The following AGAP1 variants were observed in gnomAD, a reference collection of about 807,000 sequenced individuals.
The protein encoded by AGAP1 is arf-GAP with GTPase, ANK repeat and PH domain-containing protein 1.
AGAP1 carries 29 observed loss-of-function variants against 105.3 expected under a neutral mutation model. That is an observed-to-expected ratio of 0.28 (90% CI 0.21 to 0.38). The LOEUF (loss-of-function observed/expected upper bound fraction) is 0.38, where lower values mean the gene tolerates loss of function less well. Ranked by LOEUF, AGAP1 falls within the 10% of genes least tolerant of loss-of-function variation. The pLI is 1.00. For synonymous variants in AGAP1, 509 were observed against 485.9 expected, an observed-to-expected ratio of 1.05 and a Z score of -0.63; for missense variants, 998 against 1,165.1, an observed-to-expected ratio of 0.86 and a Z score of 2.09.
intron 3 of AGAP1, among the ~76,000 whole-genome samples, chr2:235,731,828 G>C (rs4663615): frequency 0.99 from 150,972 of 152,250 alleles, 74,851 homozygotes; most frequent in East Asian, 1. Context: ...CATAATAAAC[G>C]TCAAAAAACG....
Position 235,631,898 on chromosome 2 carries a change from A to T in AGAP1, c.164-77281A>T, listed in dbSNP as rs540979288. Among the ~76,000 whole-genome samples the T allele has an allele frequency of 1.2e-4, 18 of 152,042 alleles. No individual in the cohort carries two copies. Among genetic ancestry groups the T allele is most frequent in the African/African-American group, 4.3e-4 (18 of 41,468 alleles). On this transcript the variant is annotated intron_variant, in intron 1 of 17. Transcript: ENST00000304032. This position sits in a 1 kb window ranked among gnomAD's most constrained non-coding sequence, Gnocchi z 5.4. ...GCAGCTTCTGGAAGGCCTGCCTTTG[A>T]CCCTTCCTTTCTGCTTTTTCCATCT...
Position 235,959,812 on chromosome 2 carries a change from A to G in AGAP1, c.1484-8650A>G, listed in dbSNP as rs1343444763. 1.3e-5 allele frequency among the ~76,000 whole-genome samples: 2 copies of G among 151,662 alleles called. No individual in the cohort carries two copies. The highest frequency in any genetic ancestry group is 6.6e-5 in the Admixed American group (1 of 15,246). On this transcript the variant is annotated intron_variant, in intron 12 of 17. Transcript: ENST00000304032. The surrounding 1 kb of genome is among the most constrained non-coding windows in gnomAD (Gnocchi z 7.3). ...CTGTCAAAGCTGTGCCACTTTCCCC[A>G]CTGGCTGCCTGTCCGCTCCTGCCAA...
rs562516179 is a variant in AGAP1, at chr2:235,563,758, A to G, written c.163+68909A>G. On this transcript the variant is annotated intron_variant, in intron 1 of 17. Transcript: ENST00000304032. Reference sequence around the variant, plus strand: ...CTGCATGGAGAGAGAGAAGGAAGCTAGCGTTTCTTGAGGGTCTGGTATATG... The same window carrying G: ...CTGCATGGAGAGAGAGAAGGAAGCTGGCGTTTCTTGAGGGTCTGGTATATG... 2.6e-5 allele frequency among the ~76,000 whole-genome samples: 4 copies of G among 152,270 alleles called. No individual in the cohort carries two copies. In the South Asian group the frequency reaches 8.3e-4, roughly 32 times the overall value.
At chr2:235,995,364 A>G (rs1052985359) in intron 13 of AGAP1, among the ~76,000 whole-genome samples, 48 of 151,536 alleles carry the variant, frequency 3.2e-4, no homozygotes, top group Admixed American at 1.6e-3. Flanking sequence ...AAATACAAAA[A>G]TTAGCTAAGC....
intron 12 of AGAP1, among the ~76,000 whole-genome samples, chr2:235,941,941 A>G (rs2053278984): frequency 6.6e-6 from 1 of 152,156 alleles, no homozygotes; most frequent in Admixed American, 6.5e-5. Flanking sequence ...AAAGCATTCT[A>G]AAAAGGTTTG....
intron 1 of AGAP1, among the ~76,000 whole-genome samples, chr2:235,572,711 C>G (rs1196269455): frequency 6.6e-6 from 1 of 152,222 alleles, no homozygotes; most frequent in Non-Finnish European, 1.5e-5. Context: ...TTTGGAATGC[C>G]ACAGCAGCTG....
Position 235,807,231 on chromosome 2 carries a change from C to T in AGAP1, c.958-8C>T. On this transcript the variant is annotated splice_polypyrimidine_tract_variant and splice_region_variant and intron_variant, in intron 8 of 17. Coordinates refer to ENST00000304032, the MANE Select transcript of AGAP1 (RefSeq NM_001037131.3). ...TACCCAGATGCCAACTTTCCTTTTG[C>T]TTTGCAGTCTCGGAAAGGGAGCGAC... 1 of 1,610,034 alleles carries T rather than the reference C, an allele frequency of 6.2e-7. No individual in the cohort carries two copies. Among genetic ancestry groups the T allele is most frequent in the South Asian group, 1.1e-5 (1 of 90,622 alleles).
At chr2:236,065,715 G>C (rs1033013746) in intron 16 of AGAP1, among the ~76,000 whole-genome samples, 9 of 152,192 alleles carry the variant, frequency 5.9e-5, no homozygotes, top group Non-Finnish European at 1.3e-4. Flanking sequence ...TTTAAAAATG[G>C]GGCTCTTCTG....
intron 1 of AGAP1, chr2:235,670,879 G>A (rs761130945): frequency 7.4e-7 from 1 of 1,358,980 alleles, no homozygotes; most frequent in Non-Finnish European, 9.4e-7. Context: ...GCGCGGCCTC[G>A]GAGCACCGGC....
At chr2:235,564,815 C>T (rs1009176310) in intron 1 of AGAP1, among the ~76,000 whole-genome samples, 16 of 149,224 alleles carry the variant, frequency 1.1e-4, no homozygotes, top group Admixed American at 6.0e-4. Flanking sequence ...CACCCACGGC[C>T]AGGTGTGAGC....
chr2:235,901,926 A>G lies in AGAP1; in HGVS notation c.1156-6812A>G, dbSNP rs1366654682. On this transcript the variant is annotated intron_variant, in intron 10 of 17. Coordinates refer to ENST00000304032, the MANE Select transcript of AGAP1 (RefSeq NM_001037131.3). The surrounding 1 kb of genome is among the most constrained non-coding windows in gnomAD (Gnocchi z 4.3). ...GAGGGACCCCAAAGAGCTTTTGTTCATATGGATTTTGTCTATTGATATTCA... is the reference window on the plus strand; with the variant it reads ...GAGGGACCCCAAAGAGCTTTTGTTCGTATGGATTTTGTCTATTGATATTCA... Among the ~76,000 whole-genome samples the G allele has an allele frequency of 4.6e-5, 7 of 152,118 alleles. No homozygotes were observed. Among genetic ancestry groups the G allele is most frequent in the Non-Finnish European group, 1.0e-4 (7 of 68,034 alleles).
rs574945869 is a variant in AGAP1, at chr2:235,552,889, A to G, written c.163+58040A>G. ...CATTGGAGGCCTTGTTGTGGGCTCAAGGAGTGCAGAGAGGCAGCGCCTGCC... is the reference window on the plus strand; with the variant it reads ...CATTGGAGGCCTTGTTGTGGGCTCAGGGAGTGCAGAGAGGCAGCGCCTGCC... On this transcript the variant is annotated intron_variant, in intron 1 of 17. Transcript: ENST00000304032. This position sits in a 1 kb window ranked among gnomAD's most constrained non-coding sequence, Gnocchi z 5.9. Among the ~76,000 whole-genome samples the G allele has an allele frequency of 2.1e-3, 315 of 152,316 alleles. No homozygotes were observed. Among genetic ancestry groups the G allele is most frequent in the African/African-American group, 7.3e-3 (305 of 41,564 alleles).
intron 10 of AGAP1, among the ~76,000 whole-genome samples, chr2:235,892,556 T>C (rs1399499628): frequency 6.7e-6 from 1 of 149,638 alleles, no homozygotes; most frequent in Non-Finnish European, 1.5e-5. Context: ...CCTAAGTAGG[T>C]ATTTTCCTCA....
chr2:235,851,025 G>C (rs2048420546), intron 9 of AGAP1, among the ~76,000 whole-genome samples: 2 of 152,334 alleles, frequency 1.3e-5, no homozygotes, highest in African/African-American at 4.8e-5. Context: ...GGGCTCCCAG[G>C]CAGGCTGTTC....
chr2:235,512,552 C>T (rs1164134959), intron 1 of AGAP1, among the ~76,000 whole-genome samples: 1 of 152,176 alleles, frequency 6.6e-6, no homozygotes, highest in Non-Finnish European at 1.5e-5. Flanking sequence ...CATGATTGCA[C>T]CACTACCCTC....
intron 1 of AGAP1, among the ~76,000 whole-genome samples, chr2:235,674,554 C>T (rs1327148767): frequency 6.6e-6 from 1 of 152,172 alleles, no homozygotes; most frequent in Admixed American, 6.5e-5. Context: ...TAAAGTGATT[C>T]ATTGATACCT....
intron 13 of AGAP1, among the ~76,000 whole-genome samples, chr2:235,980,724 G>C (rs762929552): frequency 1.3e-5 from 2 of 152,154 alleles, no homozygotes; most frequent in Non-Finnish European, 2.9e-5. Flanking sequence ...TCCTACTGTT[G>C]AGTGGTCGCT....
chr2:235,851,022 C>T (rs2048420339), intron 9 of AGAP1, among the ~76,000 whole-genome samples: 1 of 152,240 alleles, frequency 6.6e-6, no homozygotes, highest in African/African-American at 2.4e-5. Flanking sequence ...AGGGGGCTCC[C>T]AGGCAGGCTG....
chr2:235,695,554 T>C (rs1472005365), intron 1 of AGAP1, among the ~76,000 whole-genome samples: 1 of 152,214 alleles, frequency 6.6e-6, no homozygotes, highest in East Asian at 1.9e-4. Context: ...TATATTACAC[T>C]TGATCTGTCG....
Sources: allele counts gnomAD v4.1 joint callset (sites outside exome capture counted in the v4.1 genomes callset), GRCh38; gene constraint gnomAD v4.1.1; non-coding constraint Gnocchi (gnomAD v3.1); transcripts MANE v1.5; gene names NCBI Gene and HGNC (gene_info 2026-07-23, HGNC 2026-07-21).